FGF13: variants seen among roughly 807,000 people sequenced by gnomAD.
FGF13 encodes fibroblast growth factor 13, also known as fibroblast growth factor homologous factor 2.
A neutral mutation model predicts 19.5 loss-of-function variants in FGF13; 2 were observed. That is an observed-to-expected ratio of 0.10 (90% CI 0.04 to 0.32). The LOEUF (loss-of-function observed/expected upper bound fraction) is 0.32, where lower values mean the gene tolerates loss of function less well. FGF13 is among the 10% of genes least tolerant of loss of function. The probability of loss-of-function intolerance (pLI) is 1.00; values close to 1 mark genes in which losing one functional copy is unlikely to be tolerated. For synonymous variants in FGF13, 72 were observed against 76.9 expected (o/e 0.94, Z 0.33); for missense variants, 113 against 192.7 (o/e 0.59, Z 2.45).
Position 138,711,285 on chromosome X carries a change from C to T in FGF13, c.-282G>A. ...GGCCCGGGATCGCGGGCGAGACTGG[C>T]ACGCGGATGCTGAACTGCGCGACTG... On this transcript the variant is annotated 5_prime_UTR_variant, in exon 1 of 5. Transcript: ENST00000315930. 2.1e-6 allele frequency: 2 copies of T among 958,919 alleles called. No individual in the cohort carries two copies. The highest frequency in any genetic ancestry group is 2.6e-6 in the Non-Finnish European group (2 of 769,085). The allele number at this position is 958,919 out of a possible 1,213,427, so 79.0% of individuals were successfully genotyped here.
rs1342222446 is a variant in FGF13 at position 138,627,933 on chromosome X, C to G, written c.*4917G>C. The G allele has an allele frequency of 9.0e-6, 1 of 111,141 alleles. No individual in the cohort carries two copies. The highest frequency in any genetic ancestry group is 1.9e-5 in the Non-Finnish European group (1 of 53,120). The allele number at this position is 111,141 out of a possible 1,213,427, so 9.2% of individuals were successfully genotyped here. Reference sequence around the variant, plus strand: ...TGATGAGAAATACAAGATACTTGTACTCATGTGATATTAGCAAAAGGGTTC... The same window carrying G: ...TGATGAGAAATACAAGATACTTGTAGTCATGTGATATTAGCAAAAGGGTTC... On this transcript the variant is annotated 3_prime_UTR_variant, in exon 5 of 5. Coordinates refer to ENST00000315930, the MANE Select transcript of FGF13 (RefSeq NM_004114.5).
At chrX:138,796,762 T>C (rs1602867707) in intron 3 of FGF13, among the ~76,000 whole-genome samples, 1 of 112,408 alleles carries the variant, frequency 8.9e-6, no homozygotes, top group East Asian at 2.8e-4. Context: ...CTAACTAGCA[T>C]GAGATGGTAT....
chrX:138,711,698 A>AC lies in FGF13; in HGVS notation c.-696dup. 1 of 753,082 alleles carries AC rather than the reference A, an allele frequency of 1.3e-6. No individual in the cohort carries two copies. Among genetic ancestry groups the AC allele is most frequent in the Non-Finnish European group, 1.6e-6 (1 of 638,295 alleles). The allele number at this position is 753,082 out of a possible 1,213,427, so 62.1% of individuals were successfully genotyped here. A position where few individuals can be genotyped will look rare whatever the true frequency, so the allele number is the denominator to read the frequency against. The stretch of plus-strand genomic sequence containing the variant: ...GCACAGGAATTCAGCCGCCGCAGGC[A>AC]CCCTCCGGAACAGCGCGACAGCCTC... On this transcript the variant is annotated 5_prime_UTR_variant, in exon 1 of 5. Transcript: ENST00000315930.
At chrX:138,911,994 A>T (rs1772109689) in intron 1 of FGF13, among the ~76,000 whole-genome samples, 1 of 112,079 alleles carries the variant, frequency 8.9e-6, no homozygotes, top group Admixed American at 9.4e-5. Context: ...CTGAGCAAAC[A>T]GCTTTCCTAC....
chrX:138,841,486 G>T (rs752621589), intron 3 of FGF13, among the ~76,000 whole-genome samples: 2 of 110,497 alleles, frequency 1.8e-5, no homozygotes, highest in Non-Finnish European at 3.8e-5. Context: ...CAAAATAAGA[G>T]AATTCAGTAC....
chrX:138,782,008 A>G (rs1360856467), intron 3 of FGF13, among the ~76,000 whole-genome samples: 5 of 111,832 alleles, frequency 4.5e-5, no homozygotes, highest in Admixed American at 9.5e-5. Flanking sequence ...TTCAATATAC[A>G]CAAATCAATA....
intron 1 of FGF13, among the ~76,000 whole-genome samples, chrX:139,081,983 A>G (rs779444214): frequency 2.2e-4 from 24 of 111,559 alleles, no homozygotes; most frequent in Non-Finnish European, 4.0e-4. Context: ...TCTCCTGCTC[A>G]AAAGTTTCCA....
chrX:138,732,371 T>C (rs2090238766), intron 1 of FGF13, among the ~76,000 whole-genome samples: 1 of 112,070 alleles, frequency 8.9e-6, no homozygotes, highest in African/African-American at 3.2e-5. Flanking sequence ...ATACACAAAC[T>C]GGCATATTCA....
rs763175627 is a variant in FGF13, at chrX:138,621,833, G to C, written c.*11017C>G. 3.6e-5 allele frequency: 4 copies of C among 110,933 alleles called. No individual in the cohort carries two copies. Among genetic ancestry groups the C allele is most frequent in the Non-Finnish European group, 7.6e-5 (4 of 52,854 alleles). The allele number at this position is 110,933 out of a possible 1,213,427, so 9.1% of individuals were successfully genotyped here. On this transcript the variant is annotated 3_prime_UTR_variant, in exon 5 of 5. Transcript: ENST00000315930. ...TTATGAACAATTATACACAAGTTGG[G>C]TAATCTAGAAGAAACAGATAAATTT...
At chrX:139,125,456 A>G (rs191404249) in intron 1 of FGF13, among the ~76,000 whole-genome samples, 198 of 112,266 alleles carry the variant, frequency 1.8e-3, no homozygotes, top group African/African-American at 6.2e-3. Context: ...GGGAAGCTCC[A>G]GTATAATCTG....
chrX:138,879,233 T>C (rs1325343568), intron 1 of FGF13, among the ~76,000 whole-genome samples: 1 of 112,184 alleles, frequency 8.9e-6, no homozygotes, highest in Non-Finnish European at 1.9e-5. Context: ...TGTTGTTGAC[T>C]GTTAGGAGTT....
rs772984538 is a variant in FGF13, at chrX:138,982,315, A to AT, written c.-112-117666dup. ...AAGGGACAGGGAGCCATTATACTGT[A>AT]TTTTTTTTCTCTGATTTCAAGCTCC... On this transcript the variant is annotated intron_variant, in intron 1 of 2. Coordinates refer to the FGF13 transcript ENST00000421460. 4.1e-4 allele frequency among the ~76,000 whole-genome samples: 45 copies of AT among 110,859 alleles called. 1 individual carries two copies. The highest frequency in any genetic ancestry group is 2.8e-3 in the Admixed American group (29 of 10,446).
intron 1 of FGF13, among the ~76,000 whole-genome samples, chrX:139,005,401 G>A (rs1209561861): frequency 1.8e-5 from 2 of 111,405 alleles, no homozygotes; most frequent in Non-Finnish European, 3.8e-5. Flanking sequence ...ATGCAGACAA[G>A]GCTTAGATCC....
intron 1 of FGF13, among the ~76,000 whole-genome samples, chrX:139,060,613 A>G (rs2092333518): frequency 9.0e-6 from 1 of 111,688 alleles, no homozygotes; most frequent in African/African-American, 3.2e-5. Flanking sequence ...AAAAGCTTCT[A>G]CTTTTCCTGC....
At chrX:139,002,807 A>C (rs2092079610) in intron 1 of FGF13, among the ~76,000 whole-genome samples, 1 of 111,395 alleles carries the variant, frequency 9.0e-6, no homozygotes, top group African/African-American at 3.3e-5. Context: ...TGAAGTGAAA[A>C]ACCCAGTCCT....
intron 1 of FGF13, among the ~76,000 whole-genome samples, chrX:138,730,955 A>G (rs2090225930): frequency 8.9e-6 from 1 of 111,734 alleles, no homozygotes; most frequent in South Asian, 3.7e-4. Context: ...TTCATGGTGA[A>G]GGATATTATC....
At chrX:139,063,704 A>T (rs762854685) in intron 1 of FGF13, among the ~76,000 whole-genome samples, 4 of 111,889 alleles carry the variant, frequency 3.6e-5, no homozygotes, top group African/African-American at 9.7e-5. Flanking sequence ...ATCTTTATCA[A>T]ATAATCTGGT....
At chrX:138,776,890 TC>T (rs1323356260) in intron 3 of FGF13, among the ~76,000 whole-genome samples, 7 of 111,504 alleles carry the variant, frequency 6.3e-5, no homozygotes, top group African/African-American at 2.3e-4. Flanking sequence ...TTCTCCCTGC[TC>T]CTCTGCCCAA....
chrX:139,014,037 AT>A (rs922465147), intron 1 of FGF13, among the ~76,000 whole-genome samples: 2 of 111,544 alleles, frequency 1.8e-5, no homozygotes, highest in African/African-American at 6.5e-5. Flanking sequence ...TTAAGAAAAA[AT>A]TTAGAAAATG....
Sources: gnomAD v4.1 joint callset for allele counts (sites outside exome capture counted in the v4.1 genomes callset) on GRCh38, gnomAD v4.1.1 for gene constraint, MANE v1.5 for transcripts, NCBI Gene and HGNC (gene_info 2026-07-23, HGNC 2026-07-21) for gene names.